The following NRXN3 variants were observed in gnomAD, a reference collection of about 807,000 sequenced individuals.
NRXN3 encodes neurexin 3, also known as neurexin III.
A neutral mutation model predicts 137.6 loss-of-function variants in NRXN3; 32 were observed. The ratio of observed to expected loss-of-function variants is 0.23; its 90% CI spans 0.18 to 0.31. The LOEUF is 0.31. Ranked by LOEUF, NRXN3 falls within the 10% of genes least tolerant of loss-of-function variation. The pLI, the probability that NRXN3 is intolerant of heterozygous loss-of-function variation, is 1.00. For synonymous variants in NRXN3, 798 were observed against 784.5 expected, an observed-to-expected ratio of 1.02 and a Z score of -0.29; for missense variants, 1,574 against 2,062.5, an observed-to-expected ratio of 0.76 and a Z score of 4.59.
chr14:78,757,335 G>A (rs756466463), intron 8 of NRXN3, among the ~76,000 whole-genome samples: 8 of 151,306 alleles, frequency 5.3e-5, no homozygotes, highest in Non-Finnish European at 1.2e-4. Context: ...GCTTGAACTT[G>A]GGAGGCAGAG....
intron 5 of NRXN3, among the ~76,000 whole-genome samples, chr14:78,647,959 C>T (rs1015715652): frequency 3.3e-5 from 5 of 152,182 alleles, no homozygotes; most frequent in African/African-American, 1.2e-4. Context: ...GATTGAATGG[C>T]TTTTATGACA....
intron 16 of NRXN3, among the ~76,000 whole-genome samples, chr14:79,517,475 G>A (rs1156239902): frequency 1.3e-5 from 2 of 151,972 alleles, no homozygotes; most frequent in African/African-American, 4.8e-5. Flanking sequence ...TAATGTTGAA[G>A]TTATCAGACT....
chr14:79,174,518 T>TATATATATAC (rs766756150), intron 15 of NRXN3, among the ~76,000 whole-genome samples: 120 of 148,512 alleles, frequency 8.1e-4, no homozygotes, highest in South Asian at 3.6e-3. Context: ...TATATATATA[T>TATATATATAC]ACACACACAT....
At chr14:79,600,203 G>T (rs1164293721) in intron 16 of NRXN3, among the ~76,000 whole-genome samples, 1 of 152,102 alleles carries the variant, frequency 6.6e-6, no homozygotes, top group Non-Finnish European at 1.5e-5. Flanking sequence ...ATGCCATGCT[G>T]CTATGTCTAC....
Position 79,280,336 on chromosome 14 carries a change from G to A in NRXN3, c.3263-186885G>A, listed in dbSNP as rs142316846. On this transcript the variant is annotated intron_variant, in intron 15 of 20. Transcript: ENST00000335750. Reference sequence around the variant, plus strand: ...CGAGACGGAGCCCTCCTCGCCGGCCGGCCTGGACGCTTGGGATCTGGTTCC... The same window carrying A: ...CGAGACGGAGCCCTCCTCGCCGGCCAGCCTGGACGCTTGGGATCTGGTTCC... 1.5e-4 allele frequency: 247 copies of A among 1,614,032 alleles called. 2 individuals are homozygous for A. The African/African-American group carries it at 2.9e-3, about 19-fold the overall frequency.
intron 19 of NRXN3, among the ~76,000 whole-genome samples, chr14:79,700,229 GA>G (rs1219982826): frequency 2.4e-4 from 37 of 151,938 alleles, no homozygotes; most frequent in Admixed American, 2.4e-3. Context: ...GTCAGTCCCA[GA>G]AGCATTAATA....
chr14:78,453,767 A>G (rs8012198), intron 4 of NRXN3, among the ~76,000 whole-genome samples: 15,757 of 152,224 alleles, frequency 0.1, 1,131 homozygotes, highest in African/African-American at 0.19. Flanking sequence ...ACACAGAAAC[A>G]GACACATATA....
chr14:79,401,029 G>A (rs1032101603), intron 15 of NRXN3, among the ~76,000 whole-genome samples: 2 of 152,184 alleles, frequency 1.3e-5, no homozygotes, highest in Non-Finnish European at 2.9e-5. Flanking sequence ...TCAAGCATCA[G>A]TTAGGTGCAG....
chr14:78,297,490 C>G (rs768701254), intron 3 of NRXN3, among the ~76,000 whole-genome samples: 2 of 152,178 alleles, frequency 1.3e-5, no homozygotes, highest in Non-Finnish European at 2.9e-5. Flanking sequence ...GGGACTTAAT[C>G]TTTAACAGAT....
At chr14:78,808,577 G>A (rs914324529) in intron 9 of NRXN3, among the ~76,000 whole-genome samples, 6 of 152,018 alleles carry the variant, frequency 3.9e-5, no homozygotes, top group Non-Finnish European at 7.4e-5. Context: ...GTCCTCACCA[G>A]GGGCATGGCC....
intron 4 of NRXN3, among the ~76,000 whole-genome samples, chr14:78,418,620 G>A (rs2093278654): frequency 6.6e-6 from 1 of 152,112 alleles, no homozygotes; most frequent in Admixed American, 6.5e-5. Flanking sequence ...GCAAATACAG[G>A]AGGAAAAAGG....
rs908377739 is a variant in NRXN3, at chr14:78,689,455, C to T, written c.1222-19762C>T. Among the ~76,000 whole-genome samples, 8 of 152,120 alleles carry T rather than the reference C, an allele frequency of 5.3e-5. No individual in the cohort carries two copies. In the East Asian group the frequency reaches 1.5e-3, roughly 29 times the overall value. On this transcript the variant is annotated intron_variant, in intron 6 of 20. Coordinates refer to ENST00000335750, the MANE Select transcript of NRXN3 (RefSeq NM_001330195.2). ...GTACTTATTAAATGCTTACTTTAAA[C>T]ATGGGCATAATTTCTGCCCTAAGTC... is the stretch of plus-strand genomic sequence containing the variant.
intron 9 of NRXN3, 102 bp from the exon 10 acceptor site, chr14:78,810,216 C>T (rs1017174277): frequency 3.0e-5 from 21 of 697,968 alleles, no homozygotes; most frequent in South Asian, 1.0e-4. Flanking sequence ...ACATTTCTTA[C>T]GTGTGTCTGT....
At chr14:78,560,413 T>A (rs780353634) in intron 4 of NRXN3, among the ~76,000 whole-genome samples, 4 of 152,234 alleles carry the variant, frequency 2.6e-5, no homozygotes. Context: ...CCAACCTTGC[T>A]GGGCAGAGTG....
intron 15 of NRXN3, among the ~76,000 whole-genome samples, chr14:79,316,729 C>CCTCTCTCTCT (rs35515937): frequency 0.017 from 2,383 of 137,956 alleles, 87 homozygotes; most frequent in African/African-American, 0.062. Flanking sequence ...CTGTCCTGTC[C>CCTCTCTCTCT]CTCTCTCTCT....
chr14:78,376,588 A>T (rs1376663463), intron 4 of NRXN3, among the ~76,000 whole-genome samples: 1 of 152,190 alleles, frequency 6.6e-6, no homozygotes, highest in Admixed American at 6.5e-5. Flanking sequence ...AATACATGGT[A>T]GTAAGTTTCT....
At chr14:78,991,152 G>A (rs1321841142) in intron 15 of NRXN3, among the ~76,000 whole-genome samples, 1 of 152,204 alleles carries the variant, frequency 6.6e-6, no homozygotes, top group Non-Finnish European at 1.5e-5. Context: ...ATAAGCTCAT[G>A]GAGGAGGAAG....
intron 15 of NRXN3, among the ~76,000 whole-genome samples, chr14:78,998,317 T>G (rs138682517): frequency 6.6e-6 from 1 of 152,324 alleles, no homozygotes; most frequent in East Asian, 1.9e-4. Flanking sequence ...AGACATAACA[T>G]GTAATGGGCT....
chr14:79,775,148 GATCT>G (rs2099092715), intron 19 of NRXN3, among the ~76,000 whole-genome samples: 1 of 152,106 alleles, frequency 6.6e-6, no homozygotes, highest in East Asian at 1.9e-4. Flanking sequence ...GTAATTCTAT[GATCT>G]ATTAATGTCA....
Sources: gnomAD v4.1 joint callset for allele counts (sites outside exome capture counted in the v4.1 genomes callset) on GRCh38, gnomAD v4.1.1 for gene constraint, MANE v1.5 for transcripts, NCBI Gene and HGNC (gene_info 2026-07-23, HGNC 2026-07-21) for gene names.